The following TTF2 variants were observed in gnomAD, a reference collection of about 807,000 sequenced individuals.
TTF2 encodes the protein transcription termination factor 2.
In TTF2, 108 loss-of-function variants were observed where a neutral mutation model predicts 142.4. That is an observed-to-expected ratio of 0.76 (90% CI 0.65 to 0.89). The LOEUF is 0.89. TTF2 is among the 40% of genes least tolerant of loss of function. The probability of loss-of-function intolerance (pLI) is 0.00; values close to 1 mark genes in which losing one functional copy is unlikely to be tolerated. For synonymous variants in TTF2, 483 were observed against 506.2 expected (o/e 0.95, Z 0.61); for missense variants, 1,327 against 1,379.8 (o/e 0.96, Z 0.61).
rs1216596809 is a variant in TTF2, at chr1:117,106,217, T to A, written c.*4693T>A. 2 of 150,666 alleles carry A rather than the reference T, an allele frequency of 1.3e-5. No homozygotes were observed. Among genetic ancestry groups the A allele is most frequent in the Non-Finnish European group, 2.9e-5 (2 of 67,828 alleles). 9.3% of individuals were successfully genotyped at this position (150,666 alleles called of 1,614,324 possible). A position where few individuals can be genotyped will look rare whatever the true frequency, so the allele number is the denominator to read the frequency against. ...TTCATAACTACAAATGAAATCAGGGTCATTTATAGTACAAACTACCACAGA... is the reference window on the plus strand; with the variant it reads ...TTCATAACTACAAATGAAATCAGGGACATTTATAGTACAAACTACCACAGA... On this transcript the variant is annotated 3_prime_UTR_variant, in exon 23 of 23. Transcript: ENST00000369466.
rs1240024664 is a variant in TTF2 at position 117,085,202 on chromosome 1, T to C, written c.2054+1034T>C. On this transcript the variant is annotated intron_variant, in intron 11 of 22. Coordinates refer to ENST00000369466, the MANE Select transcript of TTF2 (RefSeq NM_003594.4). The surrounding 1 kb of genome is among the most constrained non-coding windows in gnomAD (Gnocchi z 4.7). ...TTCTTTATATGATAGTAGGGTAACT[T>C]GTAGACACTGCTGCCTCTCTGAATT... 6.6e-6 allele frequency among the ~76,000 whole-genome samples: 1 copy of C among 152,240 alleles called. No individual in the cohort carries two copies. The highest frequency in any genetic ancestry group is 1.5e-5 in the Non-Finnish European group (1 of 68,036).
rs57995714 is a variant in TTF2, at chr1:117,087,955, C to G, written c.2161-846C>G. Among the ~76,000 whole-genome samples the G allele has an allele frequency of 0.011, 1,609 of 152,294 alleles. 26 individuals are homozygous for G. The highest frequency in any genetic ancestry group is 0.036 in the African/African-American group (1,497 of 41,546). ...CAGGTGCTGTTTCGTCAAGAGCAGC[C>G]AGATTCCCACTTCAGGTATTGAACT... On this transcript the variant is annotated intron_variant, in intron 12 of 22. Coordinates refer to ENST00000369466, the MANE Select transcript of TTF2 (RefSeq NM_003594.4). The surrounding 1 kb of genome is among the most constrained non-coding windows in gnomAD (Gnocchi z 4.8).
intron 11 of TTF2, among the ~76,000 whole-genome samples, chr1:117,084,858 C>A (rs3767765): frequency 0.2 from 29,891 of 152,084 alleles, 3,396 homozygotes; most frequent in Non-Finnish European, 0.26. Context: ...AATTTCTCTC[C>A]CCAGCCTCCA....
rs899871392 is a variant in TTF2 at position 117,063,414 on chromosome 1, CT to C, written c.218+942del. Among the ~76,000 whole-genome samples, 2 of 152,158 alleles carry C rather than the reference CT, an allele frequency of 1.3e-5. No homozygotes were observed. Among genetic ancestry groups the C allele is most frequent in the African/African-American group, 4.8e-5 (2 of 41,416 alleles). Reference sequence around the variant, plus strand: ...AATTTCACCCCTCCCATCTCCACCCCTGTCAGCAATCACTGTTCTGATTTTT... The same window carrying C: ...AATTTCACCCCTCCCATCTCCACCCCGTCAGCAATCACTGTTCTGATTTTT... On this transcript the variant is annotated intron_variant, in intron 3 of 22. Coordinates refer to ENST00000369466, the MANE Select transcript of TTF2 (RefSeq NM_003594.4). This position sits in a 1 kb window ranked among gnomAD's most constrained non-coding sequence, Gnocchi z 4.1.
rs1038724678 is a variant in TTF2 at position 117,093,657 on chromosome 1, C to A, written c.2976+756C>A. ...CTGCCTTTTAATTAAAATTTGAAAA[C>A]ATTTACCTAGGTCTTTACCACTGAT... On this transcript the variant is annotated intron_variant, in intron 18 of 22. Coordinates refer to ENST00000369466, the MANE Select transcript of TTF2 (RefSeq NM_003594.4). The surrounding 1 kb of genome is among the most constrained non-coding windows in gnomAD (Gnocchi z 4.5). Among the ~76,000 whole-genome samples, 1 of 152,098 alleles carries A rather than the reference C, an allele frequency of 6.6e-6. No individual in the cohort carries two copies. The highest frequency in any genetic ancestry group is 2.4e-5 in the African/African-American group (1 of 41,416).
In TTF2 at chr1:117,090,750, C is replaced by CTT. The variant is rs372717609; in HGVS notation, c.2588+137_2588+138dup. On this transcript the variant is annotated intron_variant, in intron 15 of 22. Transcript: ENST00000369466. This position sits in a 1 kb window ranked among gnomAD's most constrained non-coding sequence, Gnocchi z 4.8. ...TTGATTAGTTGGATGTCTGTATTCC[C>CTT]TTTTTTTTTTTACCCCATTTTTCTC... 2.9e-4 allele frequency: 179 copies of CTT among 614,448 alleles called. No individual in the cohort carries two copies. The highest frequency in any genetic ancestry group is 1.0e-3 in the East Asian group (29 of 28,860). The allele number at this position is 614,448 out of a possible 1,614,324, so 38.1% of individuals were successfully genotyped here. A position where few individuals can be genotyped will look rare whatever the true frequency, so the allele number is the denominator to read the frequency against.
chr1:117,076,160 T>C lies in TTF2; in HGVS notation c.1276-20T>C, dbSNP rs55691231. 9 of 1,604,442 alleles carry C rather than the reference T, an allele frequency of 5.6e-6. No homozygotes were observed. Among genetic ancestry groups the C allele is most frequent in the Non-Finnish European group, 6.8e-6 (8 of 1,171,772 alleles). ...AACAGTGTGAGAGGAGAGATCCATT[T>C]GATGGAATCTGTTTTTCAGAGCACA... is the stretch of plus-strand genomic sequence containing the variant. On this transcript the variant is annotated intron_variant, in intron 5 of 22. Coordinates refer to ENST00000369466, the MANE Select transcript of TTF2 (RefSeq NM_003594.4). This position sits in a 1 kb window ranked among gnomAD's most constrained non-coding sequence, Gnocchi z 4.6.
intron 13 of TTF2, among the ~76,000 whole-genome samples, chr1:117,089,716 C>T (rs1648398286): frequency 6.6e-6 from 1 of 152,022 alleles, no homozygotes; most frequent in South Asian, 2.1e-4. Context: ...AAATAAAATA[C>T]TTATTTTTAT....
In TTF2 at chr1:117,073,831, C is replaced by T. The variant is rs1656778436; in HGVS notation, c.285+104C>T. ...TTCACGTAAATGAGTTGGTCTTCATCAGACTGTCTCCGAAAGATAGTTTTC... is the reference window on the plus strand; with the variant it reads ...TTCACGTAAATGAGTTGGTCTTCATTAGACTGTCTCCGAAAGATAGTTTTC... On this transcript the variant is annotated intron_variant, in intron 4 of 22. Transcript: ENST00000369466. This position sits in a 1 kb window ranked among gnomAD's most constrained non-coding sequence, Gnocchi z 4.4. 1 of 1,043,668 alleles carries T rather than the reference C, an allele frequency of 9.6e-7. No individual in the cohort carries two copies. The highest frequency in any genetic ancestry group is 1.8e-5 in the South Asian group (1 of 56,038). The allele number at this position is 1,043,668 out of a possible 1,614,324, so 64.7% of individuals were successfully genotyped here.
Position 117,064,235 on chromosome 1 carries a change from T to C in TTF2, c.218+1762T>C, listed in dbSNP as rs1247605066. On this transcript the variant is annotated intron_variant, in intron 3 of 22. Coordinates refer to ENST00000369466, the MANE Select transcript of TTF2 (RefSeq NM_003594.4). ...GCTCATGCCTGTAATCCCAGCACTT[T>C]GGGAGGCTGAAGTGGGCAGATCACT... Among the ~76,000 whole-genome samples, 7 of 152,038 alleles carry C rather than the reference T, an allele frequency of 4.6e-5. No homozygotes were observed. The East Asian group carries it at 1.2e-3, about 25-fold the overall frequency.
rs1013093919 is a variant in TTF2, at chr1:117,085,727, G to T, written c.2055-690G>T. On this transcript the variant is annotated intron_variant, in intron 11 of 22. Coordinates refer to ENST00000369466, the MANE Select transcript of TTF2 (RefSeq NM_003594.4). This position sits in a 1 kb window ranked among gnomAD's most constrained non-coding sequence, Gnocchi z 4.7. ...ACAGGATAGAGTGAGACCCTACCTT[G>T]TCTCAAAAAATAAATAAATAAAATA... Among the ~76,000 whole-genome samples, 1 of 151,308 alleles carries T rather than the reference G, an allele frequency of 6.6e-6. No homozygotes were observed. Among genetic ancestry groups the T allele is most frequent in the African/African-American group, 2.4e-5 (1 of 41,122 alleles).
chr1:117,098,813 C>T lies in TTF2; in HGVS notation c.3270-20C>T. Reference sequence around the variant, plus strand: ...GATCTAGTATGTCAGTTCCTTTGAGCTTTAGCTGTCTTCTAACAGGAATCC... The same window carrying T: ...GATCTAGTATGTCAGTTCCTTTGAGTTTTAGCTGTCTTCTAACAGGAATCC... On this transcript the variant is annotated intron_variant, in intron 21 of 22. Transcript: ENST00000369466. 6.2e-7 allele frequency: 1 copy of T among 1,609,002 alleles called. No individual in the cohort carries two copies. The highest frequency in any genetic ancestry group is 8.5e-7 in the Non-Finnish European group (1 of 1,178,048).
rs1657009563 is a variant in TTF2, at chr1:117,076,385, A to T, written c.1390+91A>T. 6.4e-6 allele frequency: 7 copies of T among 1,089,004 alleles called. No homozygotes were observed. Among genetic ancestry groups the T allele is most frequent in the Non-Finnish European group, 9.3e-6 (7 of 756,010 alleles). 67.5% of individuals were successfully genotyped at this position (1,089,004 alleles called of 1,614,324 possible). ...CTTTTAATAAAGAATGTGTTGATTC[A>T]TTCACTTTTCCATTTTATTATCTGC... On this transcript the variant is annotated intron_variant, in intron 6 of 22. Transcript: ENST00000369466. This position sits in a 1 kb window ranked among gnomAD's most constrained non-coding sequence, Gnocchi z 4.6.
chr1:117,094,983 G>T (rs1648980571), intron 18 of TTF2, among the ~76,000 whole-genome samples: 1 of 152,162 alleles, frequency 6.6e-6, no homozygotes. Flanking sequence ...AAGAATTTTG[G>T]TGTGCTTGCT....
In TTF2 at chr1:117,063,078, C is replaced by T. The variant is rs1655812932; in HGVS notation, c.218+605C>T. 1.3e-5 allele frequency among the ~76,000 whole-genome samples: 2 copies of T among 151,930 alleles called. No homozygotes were observed. The highest frequency in any genetic ancestry group is 2.4e-5 in the African/African-American group (1 of 41,358). ...CATATCTTTAAACAGAGACTTTAGG[C>T]GATAAGGCTGGCCAGGAAGGTAGGG... On this transcript the variant is annotated intron_variant, in intron 3 of 22. Coordinates refer to ENST00000369466, the MANE Select transcript of TTF2 (RefSeq NM_003594.4). This position sits in a 1 kb window ranked among gnomAD's most constrained non-coding sequence, Gnocchi z 4.1.
rs770257605 is a variant in TTF2 at position 117,077,963 on chromosome 1, G to A, written c.1621G>A (p.Glu541Lys). Residue 541 changes from glutamate to lysine, a missense_variant, in exon 8 of 23, where the codon GAA becomes AAA. Coordinates refer to ENST00000369466, the MANE Select transcript of TTF2 (RefSeq NM_003594.4). ...TCATGCAGTGTGGAAAATCACAAGTGAAGCCATCGGTCAACTGCATCGCTC... is the reference window on the plus strand; with the variant it reads ...TCATGCAGTGTGGAAAATCACAAGTAAAGCCATCGGTCAACTGCATCGCTC... ...HVHAVWKITS[E>K]AIGQLHRSLE... 2 of 1,614,200 alleles carry A rather than the reference G, an allele frequency of 1.2e-6. No individual in the cohort carries two copies. Among genetic ancestry groups the A allele is most frequent in the Non-Finnish European group, 1.7e-6 (2 of 1,180,026 alleles).
chr1:117,078,124 C>T (rs1657167923), intron 8 of TTF2, 81 bp downstream of exon 8: 5 of 1,544,652 alleles, frequency 3.2e-6, no homozygotes, highest in Non-Finnish European at 4.4e-6. Flanking sequence ...GAGAGACTTT[C>T]TGAGATACCT....
At chr1:117,084,196 G>C (rs770080436) in intron 11 of TTF2, 28 bp downstream of exon 11, 4 of 1,613,280 alleles carry the variant, frequency 2.5e-6, no homozygotes, top group South Asian at 2.2e-5. Flanking sequence ...CAGTTGTGGG[G>C]GCGTTCAGCA....
At chr1:117,095,286 A>G (rs1649017198) in intron 18 of TTF2, 23 bp from the exon 19 acceptor site, 7 of 1,613,278 alleles carry the variant, frequency 4.3e-6, no homozygotes, top group Non-Finnish European at 5.9e-6. Context: ...TAAACATACA[A>G]TGTTGATGTA....
Sources: gnomAD v4.1 joint callset for allele counts (sites outside exome capture counted in the v4.1 genomes callset) on GRCh38, gnomAD v4.1.1 for gene constraint, Gnocchi (gnomAD v3.1) non-coding constraint, MANE v1.5 for transcripts, NCBI Gene and HGNC (gene_info 2026-07-23, HGNC 2026-07-21) for gene names.